Variants in DRAXIN observed in about 807,000 individuals in gnomAD.
DRAXIN encodes dorsal repulsive axon guidance protein.
DRAXIN carries 27 observed loss-of-function variants against 33.9 expected under a neutral mutation model. The ratio of observed to expected loss-of-function variants is 0.80; its 90% CI spans 0.59 to 1.10. The LOEUF (loss-of-function observed/expected upper bound fraction) is 1.10. DRAXIN is among the 50% of genes least tolerant of loss of function. The pLI is 0.00. For synonymous variants in DRAXIN, 178 were observed against 194.0 expected (o/e 0.92, Z 0.69); for missense variants, 371 against 460.8 (o/e 0.81, Z 1.78).
intron 1 of DRAXIN, among the ~76,000 whole-genome samples, chr1:11,698,960 T>A (rs1641231965): frequency 1.3e-5 from 2 of 152,114 alleles, no homozygotes; most frequent in Non-Finnish European, 2.9e-5. Context: ...GGGATACAAT[T>A]CCTCCCCACA....
chr1:11,722,911 C>T lies in DRAXIN; in HGVS notation c.*3215C>T, dbSNP rs945710283. ...GCTCAGTCTCAGCTCACTGCAACCT[C>T]TTCATCCCAGGTTCAAGCAATTCTC... On this transcript the variant is annotated 3_prime_UTR_variant, in exon 7 of 7. Coordinates refer to ENST00000294485, the MANE Select transcript of DRAXIN (RefSeq NM_198545.4). The T allele has an allele frequency of 6.6e-6, 1 of 151,604 alleles. No homozygotes were observed. The allele number at this position is 151,604 out of a possible 1,614,324, so 9.4% of individuals were successfully genotyped here.
chr1:11,710,730 T>G (rs2878596), intron 3 of DRAXIN, among the ~76,000 whole-genome samples: 2 of 138,536 alleles, frequency 1.4e-5, no homozygotes, highest in Admixed American at 7.5e-5. Flanking sequence ...CTGGCTAACA[T>G]GGTGAAACCC....
Position 11,719,618 on chromosome 1 carries a change from C to T in DRAXIN, c.972C>T (p.Arg324=). 1 of 1,613,900 alleles carries T rather than the reference C, an allele frequency of 6.2e-7. No individual in the cohort carries two copies. The highest frequency in any genetic ancestry group is 8.5e-7 in the Non-Finnish European group (1 of 1,179,912). Residue 324 remains arginine, a synonymous_variant, in exon 7 of 7, where the codon CGC becomes CGT. Transcript: ENST00000294485. ...LRCYAKFHRN[R]RVTRRKGRCV... ...GCTATGCCAAATTCCACCGGAACCG[C>T]AGGGTTACACGGAGGAAAGGGCGCT... is the stretch of plus-strand genomic sequence containing the variant.
intron 5 of DRAXIN, among the ~76,000 whole-genome samples, chr1:11,714,506 C>A (rs574631311): frequency 6.6e-6 from 1 of 152,224 alleles, no homozygotes; most frequent in South Asian, 2.1e-4. Flanking sequence ...CAAGAGAGAT[C>A]GGAGCGGCAC....
intron 1 of DRAXIN, among the ~76,000 whole-genome samples, chr1:11,693,570 G>A (rs1026591437): frequency 1.3e-5 from 2 of 152,148 alleles, no homozygotes; most frequent in Admixed American, 1.3e-4. Context: ...TCTTATTTCA[G>A]CCACAGCCAG....
At chr1:11,710,543 A>G (rs1570316096) in intron 3 of DRAXIN, among the ~76,000 whole-genome samples, 1 of 151,758 alleles carries the variant, frequency 6.6e-6, no homozygotes, top group East Asian at 2.0e-4. Context: ...ATGTGGCAAA[A>G]ACACTACCCA....
intron 4 of DRAXIN, among the ~76,000 whole-genome samples, 169 bp downstream of exon 4, chr1:11,712,134 G>A (rs1180026556): frequency 6.6e-6 from 1 of 152,140 alleles, no homozygotes; most frequent in Non-Finnish European, 1.5e-5. Context: ...TTGGAACGGA[G>A]AATGCTGTCA....
chr1:11,699,301 A>T (rs879415707), intron 1 of DRAXIN, among the ~76,000 whole-genome samples: 2 of 152,176 alleles, frequency 1.3e-5, no homozygotes, highest in Non-Finnish European at 1.5e-5. Flanking sequence ...ACAGTGTTTT[A>T]TAAGCAGTGT....
chr1:11,702,350 T>G (rs1373736591), intron 1 of DRAXIN, among the ~76,000 whole-genome samples: 2 of 143,038 alleles, frequency 1.4e-5, no homozygotes, highest in African/African-American at 5.4e-5. Flanking sequence ...ACACATACAC[T>G]GACAACACAC....
chr1:11,717,077 G>A (rs1395466390), intron 6 of DRAXIN, among the ~76,000 whole-genome samples: 1 of 152,128 alleles, frequency 6.6e-6, no homozygotes, highest in East Asian at 1.9e-4. Flanking sequence ...TTGAGGTCAG[G>A]AGTGAGACCA....
At chr1:11,709,208 T>A (rs1641436238) in intron 2 of DRAXIN, 67 bp from the exon 3 acceptor site, 1 of 1,480,520 alleles carries the variant, frequency 6.8e-7, no homozygotes, top group South Asian at 1.4e-5. Context: ...AAAACGTGGG[T>A]TCTACTGTAG....
intron 6 of DRAXIN, among the ~76,000 whole-genome samples, chr1:11,716,102 C>T (rs1641574141): frequency 1.3e-5 from 2 of 152,242 alleles, no homozygotes; most frequent in Admixed American, 1.3e-4. Flanking sequence ...CTCCTGACCT[C>T]AAGCGATCCA....
intron 3 of DRAXIN, among the ~76,000 whole-genome samples, chr1:11,710,302 G>T (rs1325850951): frequency 2.6e-5 from 4 of 151,896 alleles, no homozygotes; most frequent in Non-Finnish European, 5.9e-5. Context: ...GATTATCCTG[G>T]GCAACATAGT....
In DRAXIN at chr1:11,696,363, G is replaced by A. The variant is rs994535176; in HGVS notation, c.-11+4510G>A. On this transcript the variant is annotated intron_variant, in intron 1 of 6. Transcript: ENST00000294485. The surrounding 1 kb of genome is among the most constrained non-coding windows in gnomAD (Gnocchi z 4.7). ...AGCACTTTGGGAGACAGAGGCAGGC[G>A]GATCATGAGGTCAGGAGTTCGAGAC... 7.9e-5 allele frequency among the ~76,000 whole-genome samples: 12 copies of A among 152,112 alleles called. No individual in the cohort carries two copies. The highest frequency in any genetic ancestry group is 1.9e-4 in the African/African-American group (8 of 41,432).
upstream of DRAXIN, among the ~76,000 whole-genome samples, chr1:11,690,412 A>G (rs1317736596): frequency 4.6e-5 from 7 of 152,226 alleles, no homozygotes; most frequent in Non-Finnish European, 7.3e-5. The surrounding 1 kb of genome is among the most constrained non-coding windows in gnomAD (Gnocchi z 4.2). Context: ...CCTATGGGCC[A>G]GACCTTAGAA....
At chr1:11,713,767 G>A (rs1429142581) in intron 5 of DRAXIN, among the ~76,000 whole-genome samples, 1 of 152,184 alleles carries the variant, frequency 6.6e-6, no homozygotes, top group Non-Finnish European at 1.5e-5. Flanking sequence ...TTGGCTGGGT[G>A]CGGTGGCTCA....
intron 1 of DRAXIN, among the ~76,000 whole-genome samples, chr1:11,700,475 A>G (rs1641255313): frequency 6.6e-6 from 1 of 152,252 alleles, no homozygotes; most frequent in Non-Finnish European, 1.5e-5. Context: ...CAGAAGCCCA[A>G]GTTATGATGG....
chr1:11,699,962 G>A (rs1393784921), intron 1 of DRAXIN, among the ~76,000 whole-genome samples: 3 of 140,862 alleles, frequency 2.1e-5, no homozygotes, highest in African/African-American at 8.1e-5. Flanking sequence ...AGTAAATCCA[G>A]GTGTAGTAGC....
rs777292288 is a variant in DRAXIN at position 11,705,254 on chromosome 1, G to A, written c.-10-995G>A. On this transcript the variant is annotated intron_variant, in intron 1 of 6. Coordinates refer to ENST00000294485, the MANE Select transcript of DRAXIN (RefSeq NM_198545.4). The surrounding 1 kb of genome is among the most constrained non-coding windows in gnomAD (Gnocchi z 4.8). ...AGCTCCAGGATACAGTGAGGTTGGT[G>A]CAATGGAGAGGGGTGCGTGGGGGAG... Among the ~76,000 whole-genome samples, 11 of 152,198 alleles carry A rather than the reference G, an allele frequency of 7.2e-5. No individual in the cohort carries two copies. The highest frequency in any genetic ancestry group is 1.6e-4 in the Non-Finnish European group (11 of 68,030).
Sources: gnomAD v4.1 joint callset for allele counts (sites outside exome capture counted in the v4.1 genomes callset) on GRCh38, gnomAD v4.1.1 for gene constraint, Gnocchi (gnomAD v3.1) non-coding constraint, MANE v1.5 for transcripts, NCBI Gene and HGNC (gene_info 2026-07-23, HGNC 2026-07-21) for gene names.